The following SERGEF variants were observed in gnomAD, a reference collection of about 807,000 sequenced individuals.
The protein encoded by SERGEF is secretion regulating guanine nucleotide exchange factor.
A neutral mutation model predicts 50.0 loss-of-function variants in SERGEF; 51 were observed. The observed-to-expected ratio is 1.02, with a 90% CI of 0.81 to 1.29. The LOEUF is 1.29. SERGEF is among the 50% of genes most tolerant of loss of function. SERGEF has a pLI of 0.00. For synonymous variants in SERGEF, 205 were observed against 212.4 expected (o/e 0.97, Z 0.30); for missense variants, 521 against 557.0 (o/e 0.94, Z 0.65).
chr11:17,797,841 T>G (rs905171758), intron 10 of SERGEF, among the ~76,000 whole-genome samples: 15 of 152,194 alleles, frequency 9.9e-5, no homozygotes, highest in African/African-American at 2.9e-4. Flanking sequence ...CAATTGTAGC[T>G]CGCTATCAGG....
At chr11:17,816,635 G>A (rs1396479657) in intron 10 of SERGEF, among the ~76,000 whole-genome samples, 1 of 152,240 alleles carries the variant, frequency 6.6e-6, no homozygotes, top group African/African-American at 2.4e-5. Flanking sequence ...TAAGCGTGCA[G>A]TCTGACACCA....
intron 10 of SERGEF, among the ~76,000 whole-genome samples, chr11:17,837,225 G>A (rs1850416548): frequency 6.6e-6 from 1 of 152,020 alleles, no homozygotes; most frequent in Non-Finnish European, 1.5e-5. Context: ...TACTAATTGA[G>A]TACTACAGCA....
chr11:17,797,703 C>T lies in SERGEF; in HGVS notation c.1049-9290G>A, dbSNP rs11024403. 1.0e-2 allele frequency among the ~76,000 whole-genome samples: 1,515 copies of T among 152,228 alleles called. 19 individuals are homozygous for T. Among genetic ancestry groups the T allele is most frequent in the Non-Finnish European group, 0.014 (972 of 68,026 alleles). On this transcript the variant is annotated intron_variant, in intron 10 of 10. Coordinates refer to ENST00000265965, the MANE Select transcript of SERGEF (RefSeq NM_012139.4). ...TGAAACAGTGCTTGGCATAGGTTAG[C>T]GCTCAATGCTGTTGTGTGAATGAAA...
At chr11:17,807,646 C>T (rs1304081598) in intron 10 of SERGEF, among the ~76,000 whole-genome samples, 1 of 152,246 alleles carries the variant, frequency 6.6e-6, no homozygotes, top group East Asian at 1.9e-4. Flanking sequence ...TAGCACAGCA[C>T]TTGCATTTGT....
At chr11:17,918,695 C>G (rs989445484) in intron 9 of SERGEF, 1 of 454,378 alleles carries the variant, frequency 2.2e-6, no homozygotes, top group African/African-American at 2.0e-5. Context: ...CTCCCCCTAC[C>G]TACTGGAAGT....
At position 17,912,181 on chromosome 11, in the gene SERGEF, G is replaced by A. The variant is rs11024430; in HGVS notation, c.1012-33937C>T. 4.3e-4 allele frequency among the ~76,000 whole-genome samples: 66 copies of A among 152,296 alleles called. No homozygotes were observed. The East Asian group carries it at 6.4e-3, about 15-fold the overall frequency. The stretch of plus-strand genomic sequence containing the variant: ...ATAGAAGAGAAGAAGAGAAGATGGT[G>A]AAGGAGACAGGGGGATGACAAGGAG... On this transcript the variant is annotated intron_variant, in intron 9 of 10. Transcript: ENST00000265965.
At chr11:17,830,633 G>T (rs375014483) in intron 10 of SERGEF, among the ~76,000 whole-genome samples, 1 of 84,760 alleles carries the variant, frequency 1.2e-5, no homozygotes, top group Admixed American at 1.4e-4. Flanking sequence ...AGAGGGAAAG[G>T]GGGAGGGAGA....
chr11:17,928,745 C>T (rs899772253), intron 9 of SERGEF, among the ~76,000 whole-genome samples: 3 of 152,008 alleles, frequency 2.0e-5, no homozygotes, highest in Non-Finnish European at 4.4e-5. Flanking sequence ...AAAGCCAGAA[C>T]AGAAGACCCC....
intron 5 of SERGEF, among the ~76,000 whole-genome samples, chr11:17,996,660 C>T (rs1341108369): frequency 2.6e-5 from 4 of 152,162 alleles, no homozygotes; most frequent in Admixed American, 2.6e-4. Context: ...AGGTTCTGCT[C>T]CTTTGGGAGT....
intron 9 of SERGEF, among the ~76,000 whole-genome samples, chr11:17,956,033 A>G (rs1852862893): frequency 6.6e-6 from 1 of 152,196 alleles, no homozygotes; most frequent in Non-Finnish European, 1.5e-5. Flanking sequence ...AGATCACTGT[A>G]CTACCCACCC....
At chr11:17,883,695 C>T (rs906286853) in intron 9 of SERGEF, among the ~76,000 whole-genome samples, 9 of 152,188 alleles carry the variant, frequency 5.9e-5, no homozygotes, top group African/African-American at 1.9e-4. Context: ...CATCCAGTTC[C>T]CTTACATCTG....
chr11:17,941,836 G>C (rs1400976761), intron 9 of SERGEF, among the ~76,000 whole-genome samples: 1 of 152,128 alleles, frequency 6.6e-6, no homozygotes, highest in African/African-American at 2.4e-5. Context: ...AATAGGTGTT[G>C]GGTGGTATCT....
At chr11:17,908,855 C>T (rs1851899600) in intron 9 of SERGEF, among the ~76,000 whole-genome samples, 1 of 152,128 alleles carries the variant, frequency 6.6e-6, no homozygotes, top group Non-Finnish European at 1.5e-5. Flanking sequence ...CTAGTAAGAG[C>T]TCTAGCAAAG....
intron 9 of SERGEF, among the ~76,000 whole-genome samples, chr11:17,918,083 T>A (rs993432489): frequency 3.9e-5 from 6 of 152,198 alleles, no homozygotes; most frequent in African/African-American, 1.4e-4. Context: ...AGTAACTTGC[T>A]GAAGGTCACA....
intron 10 of SERGEF, among the ~76,000 whole-genome samples, chr11:17,835,245 G>A (rs568640101): frequency 2.6e-5 from 4 of 152,286 alleles, no homozygotes; most frequent in African/African-American, 9.6e-5. Flanking sequence ...GGCCTAAGAT[G>A]ATTTTCGTTG....
chr11:17,883,408 A>T (rs563780680), intron 9 of SERGEF, among the ~76,000 whole-genome samples: 2 of 152,336 alleles, frequency 1.3e-5, no homozygotes, highest in East Asian at 3.9e-4. Flanking sequence ...CTGTTTGTAA[A>T]AACAGCTGAC....
chr11:18,001,852 C>T (rs1270002974), intron 4 of SERGEF: 1 of 346,934 alleles, frequency 2.9e-6, no homozygotes. Flanking sequence ...ATAATCATAA[C>T]CCCATTAAGG....
chr11:17,857,444 G>A (rs10832863), intron 10 of SERGEF, among the ~76,000 whole-genome samples: 39,692 of 152,084 alleles, frequency 0.26, 5,463 homozygotes, highest in East Asian at 0.35. Context: ...AAGCATATAC[G>A]TCTTCTTTGG....
intron 8 of SERGEF, among the ~76,000 whole-genome samples, chr11:17,977,805 T>C (rs995487719): frequency 6.6e-6 from 1 of 151,950 alleles, no homozygotes; most frequent in Non-Finnish European, 1.5e-5. Context: ...AGCAAAAAGG[T>C]GAGAGTCTAT....
Sources: gnomAD v4.1 joint callset for allele counts (sites outside exome capture counted in the v4.1 genomes callset) on GRCh38, gnomAD v4.1.1 for gene constraint, MANE v1.5 for transcripts, NCBI Gene and HGNC (gene_info 2026-07-23, HGNC 2026-07-21) for gene names.